TRIM5: variants seen among roughly 807,000 people sequenced by gnomAD.
TRIM5 encodes the protein tripartite motif-containing protein 5.
TRIM5 carries 31 observed loss-of-function variants against 35.6 expected under a neutral mutation model. The ratio of observed to expected loss-of-function variants is 0.87; its 90% CI spans 0.65 to 1.18. The LOEUF (loss-of-function observed/expected upper bound fraction) is 1.18, where lower values mean the gene tolerates loss of function less well. Among genes scored for constraint, TRIM5 ranks in the 50% most tolerant of loss-of-function variants. TRIM5 has a pLI of 0.00. For missense variants in TRIM5, 609 were observed against 591.6 expected, an observed-to-expected ratio of 1.03 and a Z score of -0.31; for synonymous variants, 243 against 215.6, an observed-to-expected ratio of 1.13 and a Z score of -1.11.
the TRIM5 span, among the ~76,000 whole-genome samples, chr11:5,637,037 A>G: frequency 2.0e-5 from 3 of 152,168 alleles, no homozygotes; most frequent in African/African-American, 7.2e-5. Flanking sequence ...TTAGCTGGTG[A>G]TGGCGGCTGC....
At chr11:5,675,970 C>T (rs1284241909) in intron 4 of TRIM5, among the ~76,000 whole-genome samples, 2 of 122,814 alleles carry the variant, frequency 1.6e-5, no homozygotes, top group Non-Finnish European at 3.7e-5. Flanking sequence ...TTTGTTCTTG[C>T]GATAGTTTAC....
the TRIM5 span, chr11:5,642,261 G>A: frequency 1.6e-6 from 1 of 619,424 alleles, no homozygotes; most frequent in Non-Finnish European, 2.7e-6. Flanking sequence ...TGGATCCAGG[G>A]TCCGGCTCTC....
chr11:5,665,767 T>G, intron 6 of TRIM5, 85 bp from the exon 7 acceptor site: 2 of 1,473,808 alleles, frequency 1.4e-6, no homozygotes, highest in Non-Finnish European at 1.8e-6. Flanking sequence ...AGGGAAAGAG[T>G]AGGTATGCCC....
the TRIM5 span, chr11:5,643,125 A>ATATTTTT: frequency 9.0e-4 from 874 of 974,504 alleles, 1 homozygote; most frequent in Non-Finnish European, 1.0e-3. Context: ...ATATATATAT[A>ATATTTTT]TTTTTTTTTT....
At chr11:5,615,772 T>C in the TRIM5 span, among the ~76,000 whole-genome samples, 4 of 151,788 alleles carry the variant, frequency 2.6e-5, no homozygotes, top group Admixed American at 1.3e-4. Flanking sequence ...ATTGTATTTT[T>C]AGTAGAGACG....
In TRIM5 at chr11:5,665,638, A is replaced by T. The variant is rs778298377; in HGVS notation, c.895+18T>A. 2 of 1,564,148 alleles carry T rather than the reference A, an allele frequency of 1.3e-6. No individual in the cohort carries two copies. Among genetic ancestry groups the T allele is most frequent in the Non-Finnish European group, 1.7e-6 (2 of 1,164,366 alleles). On this transcript the variant is annotated intron_variant, in intron 7 of 7. Coordinates refer to ENST00000380034, the MANE Select transcript of TRIM5 (RefSeq NM_033034.3). ...GATAAGCCGCAGGGTGGCTTATGATAATGTGACTTCTCCTTACCCCAGTAG... is the reference window on the plus strand; with the variant it reads ...GATAAGCCGCAGGGTGGCTTATGATTATGTGACTTCTCCTTACCCCAGTAG...
chr11:5,608,493 A>T, the TRIM5 span: 1 of 1,563,728 alleles, frequency 6.4e-7, no homozygotes, highest in Non-Finnish European at 8.7e-7. Flanking sequence ...AGTGGGGAAG[A>T]TTCAAGAGAG....
the TRIM5 span, among the ~76,000 whole-genome samples, chr11:5,649,428 G>T: frequency 6.6e-6 from 1 of 152,018 alleles, no homozygotes; most frequent in Non-Finnish European, 1.5e-5. Flanking sequence ...TTTAATCACA[G>T]GGCACAATAA....
chr11:5,656,809 C>A, the TRIM5 span, among the ~76,000 whole-genome samples: 3 of 152,118 alleles, frequency 2.0e-5, no homozygotes, highest in Non-Finnish European at 4.4e-5. Context: ...AGTCAGGAAA[C>A]AACAGATGCT....
chr11:5,623,552 T>TTG, the TRIM5 span, among the ~76,000 whole-genome samples: 1 of 147,704 alleles, frequency 6.8e-6, no homozygotes, highest in African/African-American at 2.5e-5. Context: ...TTTTTTTTTT[T>TTG]GTAATTTTAG....
the TRIM5 span, among the ~76,000 whole-genome samples, chr11:5,639,718 G>C: frequency 3.4e-4 from 50 of 145,586 alleles, no homozygotes; most frequent in African/African-American, 1.2e-3. Flanking sequence ...GATTGGAAGA[G>C]GTTGCCTATA....
At chr11:5,605,658 C>G in the TRIM5 span, 30 of 1,438,798 alleles carry the variant, frequency 2.1e-5, no homozygotes, top group Non-Finnish European at 2.3e-5. Context: ...ACCATCGTTG[C>G]AGGGACAAGA....
At chr11:5,610,550 A>G in the TRIM5 span, 1 of 1,613,782 alleles carries the variant, frequency 6.2e-7, no homozygotes, top group Non-Finnish European at 8.5e-7. Flanking sequence ...ACAGATGTCC[A>G]AAGCTACTGG....
At chr11:5,609,840 T>G in the TRIM5 span, among the ~76,000 whole-genome samples, 1 of 152,162 alleles carries the variant, frequency 6.6e-6, no homozygotes, top group Non-Finnish European at 1.5e-5. Context: ...GGAGAATCGC[T>G]TGAACCTGGG....
At chr11:5,594,949 T>C in the TRIM5 span, among the ~76,000 whole-genome samples, 7,033 of 152,176 alleles carry the variant, frequency 0.046, 209 homozygotes, top group Middle Eastern at 0.088. Context: ...CCTAAAACCG[T>C]TGTGAAGAAA....
chr11:5,590,619 T>C, the TRIM5 span: 1 of 152,060 alleles, frequency 6.6e-6, no homozygotes, highest in East Asian at 1.9e-4. Context: ...CAGCGCCCTG[T>C]CAAAACAGAC....
At chr11:5,607,121 G>A in the TRIM5 span, among the ~76,000 whole-genome samples, 14 of 152,148 alleles carry the variant, frequency 9.2e-5, no homozygotes, top group East Asian at 1.7e-3. Flanking sequence ...GGAGAATGGC[G>A]CGAACCCAGG....
chr11:5,603,445 G>A, the TRIM5 span: 1 of 1,614,118 alleles, frequency 6.2e-7, no homozygotes, highest in Non-Finnish European at 8.5e-7. Flanking sequence ...AAATGGCAGG[G>A]AATCAGTGAT....
chr11:5,624,830 T>G, the TRIM5 span: 1 of 152,346 alleles, frequency 6.6e-6, no homozygotes, highest in Non-Finnish European at 1.5e-5. Flanking sequence ...CATTACCTTC[T>G]GTCCAGAGGC....
Sources: allele counts gnomAD v4.1 joint callset (sites outside exome capture counted in the v4.1 genomes callset), GRCh38; gene constraint gnomAD v4.1.1; transcripts MANE v1.5; gene names NCBI Gene and HGNC (gene_info 2026-07-23, HGNC 2026-07-21).